The following ANKRD30A variants were observed in gnomAD, a reference collection of about 807,000 sequenced individuals.
ANKRD30A encodes the protein ankyrin repeat domain 30A, also known as ankyrin repeat domain-containing protein 30A.
A neutral mutation model predicts 166.3 loss-of-function variants in ANKRD30A; 170 were observed. The ratio of observed to expected loss-of-function variants is 1.02; its 90% CI spans 0.90 to 1.16. The LOEUF (loss-of-function observed/expected upper bound fraction) is 1.16, where lower values mean the gene tolerates loss of function less well. Among genes scored for constraint, ANKRD30A ranks in the 50% most tolerant of loss-of-function variants. The pLI is 0.00. For synonymous variants in ANKRD30A, 564 were observed against 508.9 expected, an observed-to-expected ratio of 1.11 and a Z score of -1.46; for missense variants, 1,630 against 1,518.0, an observed-to-expected ratio of 1.07 and a Z score of -1.23.
chr10:37,179,040 A>ATATATATATG (rs1839976427), intron 24 of ANKRD30A, among the ~76,000 whole-genome samples: 4 of 123,634 alleles, frequency 3.2e-5, no homozygotes, highest in African/African-American at 1.1e-4. Context: ...ATATATATAT[A>ATATATATATG]TATATATATA....
At chr10:37,232,231 AG>A (rs1430783803) in intron 35 of ANKRD30A, among the ~76,000 whole-genome samples, 3 of 151,968 alleles carry the variant, frequency 2.0e-5, no homozygotes, top group African/African-American at 7.2e-5. Flanking sequence ...TAAAGCTAAA[AG>A]TCTTGTTTTT....
chr10:37,248,595 A>G, the ANKRD30A span, among the ~76,000 whole-genome samples: 2 of 152,070 alleles, frequency 1.3e-5, no homozygotes, highest in African/African-American at 4.8e-5. Context: ...TGGAGTCCTG[A>G]TGAGAGCTTG....
chr10:37,261,457 G>A, the ANKRD30A span, among the ~76,000 whole-genome samples: 2 of 151,988 alleles, frequency 1.3e-5, no homozygotes, highest in Non-Finnish European at 2.9e-5. Flanking sequence ...TTATTGATCT[G>A]TAATCCAAAT....
intron 33 of ANKRD30A, among the ~76,000 whole-genome samples, chr10:37,218,730 G>A (rs1465450879): frequency 1.3e-5 from 2 of 149,712 alleles, no homozygotes; most frequent in Non-Finnish European, 3.0e-5. Context: ...TTTCAATTCC[G>A]AGGTTCTTAA....
rs1836313067 is a variant in ANKRD30A at position 37,130,398 on chromosome 10, A to G, written c.510+20A>G. On this transcript the variant is annotated intron_variant, in intron 3 of 35. Transcript: ENST00000361713. The stretch of plus-strand genomic sequence containing the variant: ...AACAAGGTAGACACTAACCAATGTT[A>G]TTTTCAAAATATTTGAAATCCATTT... 1.4e-6 allele frequency: 2 copies of G among 1,400,850 alleles called. No individual in the cohort carries two copies. Among genetic ancestry groups the G allele is most frequent in the Admixed American group, 2.7e-5 (1 of 36,922 alleles). 86.8% of individuals were successfully genotyped at this position (1,400,850 alleles called of 1,614,324 possible).
intron 1 of ANKRD30A, among the ~76,000 whole-genome samples, chr10:37,126,249 C>G (rs7350386): frequency 6.6e-6 from 1 of 152,176 alleles, no homozygotes; most frequent in Non-Finnish European, 1.5e-5. Flanking sequence ...CAACCCCAAA[C>G]TTTAGCTGCT....
intron 6 of ANKRD30A, among the ~76,000 whole-genome samples, 160 bp downstream of exon 6, chr10:37,136,831 G>GTATA (rs71531277): frequency 3.3e-3 from 465 of 141,932 alleles, no homozygotes; most frequent in African/African-American, 6.7e-3. Flanking sequence ...GTGTGTGTGT[G>GTATA]TATATATATA....
At position 37,216,181 on chromosome 10, in the gene ANKRD30A, A is replaced by G. The variant is rs1264547303; in HGVS notation, c.2870A>G (p.Asp957Gly). 1 of 1,586,350 alleles carries G rather than the reference A, an allele frequency of 6.3e-7. No individual in the cohort carries two copies. Among genetic ancestry groups the G allele is most frequent in the Non-Finnish European group, 8.6e-7 (1 of 1,163,112 alleles). The change falls in exon 32 of 36, where the codon GAT (aspartate) becomes GGT (glycine). Residue 957 changes from aspartate to glycine, a missense_variant and splice_region_variant. Physicochemically the swap from Asp to Gly is moderately conservative, Grantham distance 94. Coordinates refer to ENST00000361713, the MANE Select transcript of ANKRD30A (RefSeq NM_052997.3). ...EMDKISGKLE[D>G]STSLSKILDT... ...TATTTGTATCTCCTCCTTGAGACAG[A>G]TTCAACTAGCCTATCAAAAATCTTG...
At chr10:37,213,591 G>A (rs1411763003) in intron 31 of ANKRD30A, among the ~76,000 whole-genome samples, 1 of 137,426 alleles carries the variant, frequency 7.3e-6, no homozygotes, top group Non-Finnish European at 1.6e-5. Context: ...TAAGGTAAAA[G>A]TCAAAGTTAT....
At chr10:37,196,536 A>T (rs867242637) in intron 27 of ANKRD30A, among the ~76,000 whole-genome samples, 4 of 152,176 alleles carry the variant, frequency 2.6e-5, no homozygotes, top group African/African-American at 4.8e-5. Flanking sequence ...TATACTTCAA[A>T]AATAAGATTG....
intron 13 of ANKRD30A, among the ~76,000 whole-genome samples, chr10:37,157,332 G>T (rs953584640): frequency 8.5e-5 from 13 of 152,302 alleles, no homozygotes; most frequent in African/African-American, 2.9e-4. Context: ...GCAGGTGAAT[G>T]ATATGTAAAA....
chr10:37,252,025 A>AGGCC, the ANKRD30A span, among the ~76,000 whole-genome samples: 28 of 152,312 alleles, frequency 1.8e-4, no homozygotes, highest in African/African-American at 6.7e-4. Flanking sequence ...ACCTGGTGTC[A>AGGCC]GGCCACACTG....
At position 37,202,369 on chromosome 10, in the gene ANKRD30A, A is replaced by G. The variant is rs538580341; in HGVS notation, c.2869+1044A>G. On this transcript the variant is annotated intron_variant, in intron 31 of 35. Transcript: ENST00000361713. ...CACTTAACTACATGGAAACTGAACA[A>G]CCTCCTCCAGAATGACTACTGGGTA... Among the ~76,000 whole-genome samples the G allele has an allele frequency of 3.3e-5, 5 of 152,208 alleles. No homozygotes were observed. In the East Asian group the frequency reaches 7.7e-4, roughly 24 times the overall value.
chr10:37,235,138 G>C (rs1843615369), downstream of ANKRD30A, among the ~76,000 whole-genome samples: 1 of 152,136 alleles, frequency 6.6e-6, no homozygotes, highest in Non-Finnish European at 1.5e-5. Flanking sequence ...AATTTCTCCT[G>C]TCTCCACTTT....
At chr10:37,224,484 A>G (rs754711729) in intron 34 of ANKRD30A, among the ~76,000 whole-genome samples, 8 of 150,694 alleles carry the variant, frequency 5.3e-5, no homozygotes, top group Non-Finnish European at 7.4e-5. Flanking sequence ...GTGTATATAT[A>G]CACATATATT....
chr10:37,159,082 C>G (rs538266091), intron 15 of ANKRD30A, among the ~76,000 whole-genome samples: 1 of 152,112 alleles, frequency 6.6e-6, no homozygotes, highest in African/African-American at 2.4e-5. Flanking sequence ...TACTTGATGA[C>G]TCTTTGCTAG....
rs778636564 is a variant in ANKRD30A, at chr10:37,162,642, T to A, written c.1901-7T>A. 13 of 1,611,962 alleles carry A rather than the reference T, an allele frequency of 8.1e-6. No individual in the cohort carries two copies. Among genetic ancestry groups the A allele is most frequent in the South Asian group, 1.1e-5 (1 of 91,004 alleles). On this transcript the variant is annotated splice_region_variant and splice_polypyrimidine_tract_variant and intron_variant, in intron 15 of 35. Coordinates refer to ENST00000361713, the MANE Select transcript of ANKRD30A (RefSeq NM_052997.3). ...ATGATTGATGATAAATCTCTTTTGC[T>A]TTTTAGAGCCTCCGGGGAAGCCATC...
At chr10:37,250,049 T>A in the ANKRD30A span, among the ~76,000 whole-genome samples, 17 of 152,148 alleles carry the variant, frequency 1.1e-4, 1 homozygote, top group Admixed American at 3.3e-4. Flanking sequence ...GTGGCATATC[T>A]ATGATGTAAG....
At chr10:37,210,116 C>T (rs549794032) in intron 31 of ANKRD30A, among the ~76,000 whole-genome samples, 2 of 152,006 alleles carry the variant, frequency 1.3e-5, no homozygotes, top group African/African-American at 2.4e-5. Context: ...CTCCCCCAGC[C>T]CCTCATCCCC....
Sources: allele counts gnomAD v4.1 joint callset (sites outside exome capture counted in the v4.1 genomes callset), GRCh38; gene constraint gnomAD v4.1.1; transcripts MANE v1.5; gene names NCBI Gene and HGNC (gene_info 2026-07-23, HGNC 2026-07-21).